The following CBL variants were observed in gnomAD, a reference collection of about 807,000 sequenced individuals.
The protein encoded by CBL is E3 ubiquitin-protein ligase CBL.
A neutral mutation model predicts 96.9 loss-of-function variants in CBL; 45 were observed. The observed-to-expected ratio is 0.46, with a 90% confidence interval of 0.37 to 0.60. The LOEUF (loss-of-function observed/expected upper bound fraction) is 0.60, where lower values mean the gene tolerates loss of function less well. CBL is among the 20% of genes least tolerant of loss of function. The probability of loss-of-function intolerance (pLI) is 0.00; values close to 1 mark genes in which losing one functional copy is unlikely to be tolerated. For synonymous variants in CBL, 420 were observed against 426.8 expected, an observed-to-expected ratio of 0.98 and a Z score of 0.20; for missense variants, 1,024 against 1,143.5, an observed-to-expected ratio of 0.90 and a Z score of 1.51.
intron 11 of CBL, among the ~76,000 whole-genome samples, chr11:119,286,214 C>T (rs1480828830): frequency 6.6e-6 from 1 of 152,014 alleles, no homozygotes; most frequent in Non-Finnish European, 1.5e-5. Flanking sequence ...GCAGGAGATT[C>T]ATTTGAACCT....
Position 119,301,800 on chromosome 11 carries a change from C to T in CBL, c.*2019C>T, listed in dbSNP as rs548141944. The T allele has an allele frequency of 3.4e-5, 8 of 233,126 alleles. No individual in the cohort carries two copies. In the South Asian group the frequency reaches 7.2e-4, roughly 21 times the overall value. The allele number at this position is 233,126 out of a possible 1,614,324, so 14.4% of individuals were successfully genotyped here. A position where few individuals can be genotyped will look rare whatever the true frequency, so the allele number is the denominator to read the frequency against. Reference sequence around the variant, plus strand: ...TGGCAGTGAATATCAAACAGTAGACCGCCATCAACTTCTAACAGCCAGTAC... The same window carrying T: ...TGGCAGTGAATATCAAACAGTAGACTGCCATCAACTTCTAACAGCCAGTAC... On this transcript the variant is annotated 3_prime_UTR_variant, in exon 16 of 16. Coordinates refer to ENST00000264033, the MANE Select transcript of CBL (RefSeq NM_005188.4).
At chr11:119,224,816 C>T (rs1056868462) in intron 1 of CBL, among the ~76,000 whole-genome samples, 1 of 151,514 alleles carries the variant, frequency 6.6e-6, no homozygotes, top group Non-Finnish European at 1.5e-5. Context: ...TCTTTGTCTT[C>T]ATGTTGAGTA....
intron 12 of CBL, among the ~76,000 whole-genome samples, chr11:119,293,414 C>T (rs112751075): frequency 1.9e-4 from 29 of 151,816 alleles, no homozygotes; most frequent in Non-Finnish European, 3.5e-4. Context: ...ATCCCATCTT[C>T]TTTTTTTTAT....
At chr11:119,206,973 G>T (rs1042013713) in intron 1 of CBL, among the ~76,000 whole-genome samples, 1 of 152,068 alleles carries the variant, frequency 6.6e-6, no homozygotes, top group East Asian at 1.9e-4. Flanking sequence ...GTAGGTCACG[G>T]AATTGGCCTG....
At chr11:119,206,683 C>T (rs959052743) in intron 1 of CBL, 71 bp downstream of exon 1, 2 of 1,178,700 alleles carry the variant, frequency 1.7e-6, no homozygotes, top group Non-Finnish European at 2.2e-6. Context: ...GGGGAACGAG[C>T]GGACGGAGGA....
chr11:119,223,336 T>A (rs1370463272), intron 1 of CBL, among the ~76,000 whole-genome samples: 4 of 151,312 alleles, frequency 2.6e-5, no homozygotes, highest in African/African-American at 9.7e-5. Context: ...CTGGCCTTTT[T>A]AAAATTTTTG....
Position 119,285,026 on chromosome 11 carries a change from C to T in CBL, c.1489C>T (p.Pro497Ser), listed in dbSNP as rs2135310029. 1 of 1,614,184 alleles carries T rather than the reference C, an allele frequency of 6.2e-7. No homozygotes were observed. The change falls in exon 10 of 16, where the codon CCA (proline) becomes TCA (serine). Residue 497 changes from proline to serine, a missense_variant. By Grantham distance (74) the Pro-to-Ser change is moderately conservative (BLOSUM62 -1). Transcript: ENST00000264033. ...MAPQASLPPVPPRLDLLPQRV... is the reference protein window; with the variant it reads ...MAPQASLPPVSPRLDLLPQRV... Reference sequence around the variant, plus strand: ...CCCACAAGCTTCCCTTCCCCCGGTGCCACCACGACTTGACCTTCTGCCGCA... The same window carrying T: ...CCCACAAGCTTCCCTTCCCCCGGTGTCACCACGACTTGACCTTCTGCCGCA...
At chr11:119,235,313 C>G (rs1263271811) in intron 2 of CBL, among the ~76,000 whole-genome samples, 1 of 152,058 alleles carries the variant, frequency 6.6e-6, no homozygotes, top group Non-Finnish European at 1.5e-5. Context: ...CAGGGTTTCA[C>G]CATATTGGCT....
At chr11:119,266,899 A>G (rs1023328849) in intron 2 of CBL, among the ~76,000 whole-genome samples, 1 of 152,176 alleles carries the variant, frequency 6.6e-6, no homozygotes, top group African/African-American at 2.4e-5. Flanking sequence ...AAAGTTGAAC[A>G]GTTGTGTTCC....
chr11:119,271,995 A>G, intron 3 of CBL, 114 bp downstream of exon 3: 2 of 909,504 alleles, frequency 2.2e-6, no homozygotes, highest in Middle Eastern at 3.1e-4. Context: ...AAAGTAATAT[A>G]TGTGTATGTA....
chr11:119,208,839 A>G (rs186990534), intron 1 of CBL, among the ~76,000 whole-genome samples: 44 of 152,350 alleles, frequency 2.9e-4, no homozygotes, highest in African/African-American at 1.0e-3. Context: ...AAGTATGTGT[A>G]TTGAATTTTG....
intron 2 of CBL, among the ~76,000 whole-genome samples, chr11:119,266,971 A>AT (rs1008918948): frequency 2.0e-5 from 3 of 152,142 alleles, no homozygotes; most frequent in Non-Finnish European, 1.5e-5. Context: ...TGCTGACAGA[A>AT]TTTTTTCAAG....
At chr11:119,207,203 G>A (rs543947585) in intron 1 of CBL, among the ~76,000 whole-genome samples, 1 of 152,154 alleles carries the variant, frequency 6.6e-6, no homozygotes, top group African/African-American at 2.4e-5. Flanking sequence ...AGTGAGGCAA[G>A]GAAAGAACTT....
At chr11:119,212,292 C>T (rs1344865259) in intron 1 of CBL, among the ~76,000 whole-genome samples, 1 of 152,056 alleles carries the variant, frequency 6.6e-6, no homozygotes, top group Non-Finnish European at 1.5e-5. Context: ...CATTTAAAAT[C>T]ATGAGCTTAA....
intron 2 of CBL, among the ~76,000 whole-genome samples, chr11:119,253,149 CAT>C (rs1949683467): frequency 6.6e-6 from 1 of 152,030 alleles, no homozygotes; most frequent in Non-Finnish European, 1.5e-5. Context: ...CAAGTGTTCT[CAT>C]AGTTTAATCA....
At position 119,302,667 on chromosome 11, in the gene CBL, C is replaced by T; in HGVS notation, c.*2886C>T. The T allele has an allele frequency of 4.3e-6, 1 of 231,624 alleles. No individual in the cohort carries two copies. Among genetic ancestry groups the T allele is most frequent in the Non-Finnish European group, 8.5e-6 (1 of 117,020 alleles). The allele number at this position is 231,624 out of a possible 1,614,324, so 14.3% of individuals were successfully genotyped here. The stretch of plus-strand genomic sequence containing the variant: ...GCCTTGTTGCGGGGTTGCTGCAGAG[C>T]AGCAACTGGACCTTTCCAGCTGTCG... On this transcript the variant is annotated 3_prime_UTR_variant, in exon 16 of 16. Coordinates refer to ENST00000264033, the MANE Select transcript of CBL (RefSeq NM_005188.4).
At chr11:119,277,678 TC>T in intron 6 of CBL, 78 bp from the exon 7 acceptor site, 1 of 919,022 alleles carries the variant, frequency 1.1e-6, no homozygotes, top group South Asian at 1.3e-5. Flanking sequence ...ATGGAGAAAC[TC>T]CCAGATTCCA....
At chr11:119,290,775 A>AG (rs1950021236) in intron 12 of CBL, among the ~76,000 whole-genome samples, 1 of 151,452 alleles carries the variant, frequency 6.6e-6, no homozygotes, top group Non-Finnish European at 1.5e-5. Flanking sequence ...TCCTGGGTTC[A>AG]AGCGAATCTC....
rs916381387 is a variant in CBL, at chr11:119,307,185, C to T, written c.*7404C>T. 4.3e-6 allele frequency: 1 copy of T among 232,100 alleles called. No individual in the cohort carries two copies. 14.4% of individuals were successfully genotyped at this position (232,100 alleles called of 1,614,324 possible). A position where few individuals can be genotyped will look rare whatever the true frequency, so the allele number is the denominator to read the frequency against. ...TTCAGTGGAGGAGAGAAGCATTGTA[C>T]CCTGGGATCATTTGGTTGGTTCCAA... On this transcript the variant is annotated 3_prime_UTR_variant, in exon 16 of 16. Coordinates refer to ENST00000264033, the MANE Select transcript of CBL (RefSeq NM_005188.4).
Sources: gnomAD v4.1 joint callset for allele counts (sites outside exome capture counted in the v4.1 genomes callset) on GRCh38, gnomAD v4.1.1 for gene constraint, MANE v1.5 for transcripts, NCBI Gene and HGNC (gene_info 2026-07-23, HGNC 2026-07-21) for gene names.